The following EOGT variants were observed in gnomAD, a reference collection of about 807,000 sequenced individuals.
The protein encoded by EOGT is EGF domain-specific O-linked N-acetylglucosamine transferase.
In EOGT, 55 loss-of-function variants were observed where a neutral mutation model predicts 70.5. The ratio of observed to expected loss-of-function variants is 0.78; its 90% CI spans 0.63 to 0.98. EOGT has a LOEUF of 0.98. Among genes scored for constraint, EOGT ranks in the 50% least tolerant of loss-of-function variants. EOGT has a pLI of 0.00. For missense variants in EOGT, 703 were observed against 641.9 expected (o/e 1.10, Z -1.03); for synonymous variants, 246 against 217.1 (o/e 1.13, Z -1.17).
intron 10 of EOGT, among the ~76,000 whole-genome samples, chr3:68,989,350 A>AC (rs1186521124): frequency 6.6e-5 from 10 of 152,084 alleles, no homozygotes; most frequent in Admixed American, 5.9e-4. Flanking sequence ...CACAACACAC[A>AC]CTATGCCACC....
intron 14 of EOGT, among the ~76,000 whole-genome samples, chr3:68,987,132 G>T (rs774929111): frequency 2.6e-5 from 4 of 152,202 alleles, no homozygotes; most frequent in African/African-American, 9.6e-5. Context: ...CTATGCAAAA[G>T]AAAGTCTTAC....
intron 16 of EOGT, 62 bp downstream of exon 16, chr3:68,979,606 C>T: frequency 6.4e-7 from 1 of 1,569,520 alleles, no homozygotes. Context: ...AGAATGAAAG[C>T]TTTAGCATGC....
chr3:69,004,223 G>C (rs1455933622), intron 8 of EOGT, among the ~76,000 whole-genome samples, 155 bp downstream of exon 8: 1 of 152,184 alleles, frequency 6.6e-6, no homozygotes, highest in Admixed American at 6.5e-5. Flanking sequence ...AGATGCAACT[G>C]AGGGATTCAC....
chr3:68,988,523 A>G lies in EOGT; in HGVS notation c.979T>C (p.Phe327Leu), dbSNP rs2090885748. 2 of 1,533,610 alleles carry G rather than the reference A, an allele frequency of 1.3e-6. No individual in the cohort carries two copies. Among genetic ancestry groups the G allele is most frequent in the Non-Finnish European group, 1.7e-6 (2 of 1,145,282 alleles). ...GTGCTTACCAGAGGAGTATTATAGA[A>G]CAGCCCATACCTCATGCGGGGGAGT... ...SLLPRMRYGLFYNTPLISGCQ... is the reference protein window; with the variant it reads ...SLLPRMRYGLLYNTPLISGCQ... The change falls in exon 12 of 18, where the codon TTC becomes CTC. Residue 327 changes from phenylalanine to leucine, a missense_variant. Transcript: ENST00000383701.
chr3:68,992,096 T>C lies in EOGT; in HGVS notation c.832-3079A>G, dbSNP rs374453878. Among the ~76,000 whole-genome samples, 26 of 152,178 alleles carry C rather than the reference T, an allele frequency of 1.7e-4. No individual in the cohort carries two copies. In the East Asian group the frequency reaches 2.3e-3, roughly 14 times the overall value. Reference sequence around the variant, plus strand: ...TTGGTGGGGACACAGCCAAACCATATCATTCTGCCCAGGGCTCTCTAAATC... The same window carrying C: ...TTGGTGGGGACACAGCCAAACCATACCATTCTGCCCAGGGCTCTCTAAATC... On this transcript the variant is annotated intron_variant, in intron 10 of 17. Coordinates refer to ENST00000383701, the MANE Select transcript of EOGT (RefSeq NM_001278689.2).
At chr3:68,989,041 T>C in intron 10 of EOGT, 24 bp from the exon 11 acceptor site, 1 of 1,350,238 alleles carries the variant, frequency 7.4e-7, no homozygotes, top group Non-Finnish European at 1.0e-6. Context: ...CAAAACAAGG[T>C]TTTAGGGCAA....
intron 10 of EOGT, among the ~76,000 whole-genome samples, chr3:68,992,270 A>G (rs1348416398): frequency 6.6e-6 from 1 of 152,182 alleles, no homozygotes; most frequent in Non-Finnish European, 1.5e-5. Flanking sequence ...GTAAAAACAA[A>G]AGCAAGCTAG....
chr3:68,988,200 G>A, intron 13 of EOGT, 95 bp downstream of exon 13: 1 of 866,856 alleles, frequency 1.2e-6, no homozygotes, highest in Non-Finnish European at 1.8e-6. Flanking sequence ...CAAAAACATG[G>A]TCTCCTGATT....
At chr3:68,995,435 G>A (rs569629829) in intron 10 of EOGT, among the ~76,000 whole-genome samples, 3 of 152,216 alleles carry the variant, frequency 2.0e-5, no homozygotes, top group East Asian at 1.9e-4. Context: ...AACACCAGGC[G>A]GCCACCCTGC....
At chr3:68,984,133 G>A (rs974303199) in intron 14 of EOGT, among the ~76,000 whole-genome samples, 4 of 152,030 alleles carry the variant, frequency 2.6e-5, no homozygotes, top group African/African-American at 4.8e-5. Context: ...CAGAACCTGC[G>A]TTCTTAACCA....
At chr3:68,997,672 T>A (rs1486127912) in intron 10 of EOGT, among the ~76,000 whole-genome samples, 1 of 152,152 alleles carries the variant, frequency 6.6e-6, no homozygotes, top group East Asian at 1.9e-4. Context: ...CCCTGCTGAA[T>A]GGCAGTCTTT....
intron 16 of EOGT, 62 bp from the exon 17 acceptor site, chr3:68,978,497 C>T (rs1009339450): frequency 8.5e-7 from 1 of 1,171,802 alleles, no homozygotes; most frequent in African/African-American, 1.6e-5. Context: ...AAATCAACAA[C>T]TCTGCGAAAA....
At chr3:68,990,397 G>A (rs2107240626) in intron 10 of EOGT, among the ~76,000 whole-genome samples, 1 of 135,344 alleles carries the variant, frequency 7.4e-6, no homozygotes, top group African/African-American at 2.8e-5. Context: ...CTGTTGCCCA[G>A]GCTAGAGTGC....
At chr3:68,978,102 T>C (rs2090523783) in intron 17 of EOGT, among the ~76,000 whole-genome samples, 3 of 152,340 alleles carry the variant, frequency 2.0e-5, no homozygotes, top group Middle Eastern at 3.4e-3. Flanking sequence ...TATAATCTAA[T>C]AGATCTTTCT....
intron 3 of EOGT, 149 bp from the exon 4 acceptor site, chr3:69,010,009 C>A: frequency 4.6e-6 from 3 of 655,678 alleles, no homozygotes; most frequent in Non-Finnish European, 7.7e-6. Context: ...GAATAATGAT[C>A]CTTTATTCAA....
At chr3:68,995,422 G>A (rs2091117436) in intron 10 of EOGT, among the ~76,000 whole-genome samples, 1 of 152,166 alleles carries the variant, frequency 6.6e-6, no homozygotes, top group African/African-American at 2.4e-5. Flanking sequence ...AAAGGAAGGA[G>A]GTAACACCAG....
At chr3:68,985,807 A>G (rs977546556) in intron 14 of EOGT, among the ~76,000 whole-genome samples, 4 of 152,210 alleles carry the variant, frequency 2.6e-5, no homozygotes, top group African/African-American at 9.6e-5. Context: ...ACTGCCACAA[A>G]TTTAGCAGCT....
intron 17 of EOGT, 114 bp from the exon 18 acceptor site, chr3:68,977,878 G>C: frequency 9.0e-7 from 1 of 1,111,500 alleles, no homozygotes; most frequent in Non-Finnish European, 1.3e-6. Flanking sequence ...CTACATCAGA[G>C]ACCAGCAAAC....
At chr3:69,003,744 G>C (rs2091362061) in intron 8 of EOGT, among the ~76,000 whole-genome samples, 1 of 152,168 alleles carries the variant, frequency 6.6e-6, no homozygotes, top group Non-Finnish European at 1.5e-5. Context: ...TGGGGGTAGA[G>C]CCTGGGAGGG....
Sources: gnomAD v4.1 joint callset for allele counts (sites outside exome capture counted in the v4.1 genomes callset) on GRCh38, gnomAD v4.1.1 for gene constraint, MANE v1.5 for transcripts, NCBI Gene and HGNC (gene_info 2026-07-23, HGNC 2026-07-21) for gene names.